The following SGCZ variants were observed in gnomAD, a reference collection of about 807,000 sequenced individuals.
SGCZ encodes zeta-sarcoglycan.
A neutral mutation model predicts 41.3 loss-of-function variants in SGCZ; 40 were observed. That is an observed-to-expected ratio of 0.97 (90% CI 0.75 to 1.26). The LOEUF (loss-of-function observed/expected upper bound fraction) is 1.26. Ranked by LOEUF, SGCZ falls within the 50% of genes most tolerant of loss-of-function variation. SGCZ has a pLI of 0.00. For synonymous variants in SGCZ, 206 were observed against 137.5 expected, an observed-to-expected ratio of 1.50 and a Z score of -3.49; for missense variants, 552 against 369.8, an observed-to-expected ratio of 1.49 and a Z score of -4.04.
intron 1 of SGCZ, among the ~76,000 whole-genome samples, chr8:14,968,809 T>C (rs1414458878): frequency 1.3e-5 from 2 of 152,148 alleles, no homozygotes; most frequent in East Asian, 1.9e-4. Context: ...GACTTGTGTA[T>C]ACACTATCGG....
rs117283234 is a variant in SGCZ at position 15,036,254 on chromosome 8, T to C, written c.39+201331A>G. 5.5e-3 allele frequency among the ~76,000 whole-genome samples: 843 copies of C among 152,160 alleles called. 3 individuals are homozygous for C. Among genetic ancestry groups the C allele is most frequent in the Non-Finnish European group, 0.01 (687 of 67,958 alleles). On this transcript the variant is annotated intron_variant, in intron 1 of 7. Transcript: ENST00000382080. ...GAAGAAATATGTCTAAGAAATAAGT[T>C]CTTAGACACATACAACCTACCAAGA...
chr8:14,962,929 AG>A (rs1281164307), intron 1 of SGCZ, among the ~76,000 whole-genome samples: 1 of 152,220 alleles, frequency 6.6e-6, no homozygotes, highest in Non-Finnish European at 1.5e-5. Context: ...CACTGGCAAC[AG>A]GGGATTAGCC....
At chr8:14,129,733 C>T (rs1802980239) in intron 5 of SGCZ, among the ~76,000 whole-genome samples, 2 of 148,982 alleles carry the variant, frequency 1.3e-5, no homozygotes, top group South Asian at 2.1e-4. Context: ...ATTCCATTGA[C>T]AATAACATAT....
At chr8:14,738,432 T>A (rs1166570717) in intron 1 of SGCZ, among the ~76,000 whole-genome samples, 1 of 152,140 alleles carries the variant, frequency 6.6e-6, no homozygotes, top group Admixed American at 6.6e-5. Context: ...AGCCGCTAGC[T>A]AGACCCAACT....
intron 1 of SGCZ, among the ~76,000 whole-genome samples, chr8:15,103,856 C>A (rs1563127581): frequency 6.6e-6 from 1 of 152,074 alleles, no homozygotes; most frequent in Admixed American, 6.6e-5. Flanking sequence ...TCTAATTGGG[C>A]ATGCAAAGCA....
At chr8:15,119,360 T>C (rs1190449622) in intron 1 of SGCZ, among the ~76,000 whole-genome samples, 3 of 151,820 alleles carry the variant, frequency 2.0e-5, no homozygotes, top group African/African-American at 4.8e-5. Flanking sequence ...GTGAAACCTG[T>C]CTCTACAGAA....
chr8:14,141,613 G>C (rs1489268067), intron 5 of SGCZ, among the ~76,000 whole-genome samples: 2 of 152,154 alleles, frequency 1.3e-5, no homozygotes, highest in East Asian at 3.9e-4. Flanking sequence ...AAACCACAAT[G>C]AGATACCATC....
intron 1 of SGCZ, among the ~76,000 whole-genome samples, chr8:14,713,355 C>T (rs920648868): frequency 1.2e-4 from 18 of 152,116 alleles, no homozygotes; most frequent in African/African-American, 4.3e-4. Context: ...ATAACTATCA[C>T]TATTACTATA....
At chr8:14,172,988 A>C (rs924096145) in intron 4 of SGCZ, among the ~76,000 whole-genome samples, 2 of 152,168 alleles carry the variant, frequency 1.3e-5, no homozygotes, top group African/African-American at 4.8e-5. Flanking sequence ...TTCCAACCAG[A>C]GTGTTGGTAT....
chr8:14,439,434 T>C (rs1800184527), intron 2 of SGCZ, among the ~76,000 whole-genome samples: 1 of 151,446 alleles, frequency 6.6e-6, no homozygotes, highest in South Asian at 2.1e-4. Context: ...CCCAATTTTA[T>C]AAATTTAATA....
chr8:14,636,763 A>G (rs1221145816), intron 1 of SGCZ, among the ~76,000 whole-genome samples: 3 of 151,888 alleles, frequency 2.0e-5, no homozygotes, highest in East Asian at 1.9e-4. Flanking sequence ...ATGAGATTGC[A>G]TGAATGAATG....
chr8:14,253,125 T>C (rs577546475), intron 3 of SGCZ, among the ~76,000 whole-genome samples: 2 of 152,056 alleles, frequency 1.3e-5, no homozygotes, highest in Non-Finnish European at 2.9e-5. Context: ...ATATAGAATA[T>C]GCTGTCATTA....
chr8:14,815,489 A>T (rs958418484), intron 1 of SGCZ, among the ~76,000 whole-genome samples: 1 of 152,118 alleles, frequency 6.6e-6, no homozygotes, highest in Non-Finnish European at 1.5e-5. Context: ...TTGTGATGAA[A>T]ATATTTCTTC....
chr8:15,043,511 A>C (rs904855510), intron 1 of SGCZ, among the ~76,000 whole-genome samples: 3 of 152,092 alleles, frequency 2.0e-5, no homozygotes, highest in African/African-American at 7.2e-5. Context: ...TGCTACTCTG[A>C]GTTAAATTAG....
At chr8:14,665,362 A>G (rs1378417219) in intron 1 of SGCZ, among the ~76,000 whole-genome samples, 2 of 152,138 alleles carry the variant, frequency 1.3e-5, no homozygotes, top group African/African-American at 2.4e-5. Context: ...TTATGGCTGC[A>G]TAGTATTCCA....
chr8:14,473,917 G>A (rs536299261), intron 2 of SGCZ, among the ~76,000 whole-genome samples: 11 of 142,436 alleles, frequency 7.7e-5, no homozygotes, highest in African/African-American at 2.4e-4. Flanking sequence ...CAGCCTGGGC[G>A]ACAGAGCAAG....
chr8:14,865,263 A>G (rs1024736836), intron 1 of SGCZ, among the ~76,000 whole-genome samples: 4 of 151,836 alleles, frequency 2.6e-5, no homozygotes, highest in African/African-American at 7.3e-5. Flanking sequence ...CCTTACTCTC[A>G]TATTCCAGTT....
intron 1 of SGCZ, among the ~76,000 whole-genome samples, chr8:14,908,368 C>A (rs1799180518): frequency 6.6e-6 from 1 of 152,112 alleles, no homozygotes; most frequent in African/African-American, 2.4e-5. Context: ...ACACTAGGCA[C>A]ATGGCAGAGT....
intron 2 of SGCZ, among the ~76,000 whole-genome samples, chr8:14,335,198 T>G (rs1802467390): frequency 2.6e-5 from 4 of 152,114 alleles, no homozygotes; most frequent in Admixed American, 2.6e-4. Flanking sequence ...TATAAAACTG[T>G]AACATTTAGC....
Sources: allele counts gnomAD v4.1 joint callset (sites outside exome capture counted in the v4.1 genomes callset), GRCh38; gene constraint gnomAD v4.1.1; transcripts MANE v1.5; gene names NCBI Gene and HGNC (gene_info 2026-07-23, HGNC 2026-07-21).